Variants in SGCD observed in about 807,000 individuals in gnomAD.
The protein encoded by SGCD is sarcoglycan delta, also known as delta-sarcoglycan.
SGCD carries 18 observed loss-of-function variants against 36.6 expected under a neutral mutation model. The observed-to-expected ratio is 0.49, with a 90% CI of 0.34 to 0.73. SGCD has a LOEUF of 0.73. Ranked by LOEUF, SGCD falls within the 30% of genes least tolerant of loss-of-function variation. SGCD has a pLI of 0.01. For synonymous variants in SGCD, 133 were observed against 130.6 expected (o/e 1.02, Z -0.12); for missense variants, 387 against 346.7 (o/e 1.12, Z -0.92).
At chr5:156,746,385 T>C (rs1756938087) in intron 7 of SGCD, among the ~76,000 whole-genome samples, 1 of 152,214 alleles carries the variant, frequency 6.6e-6, no homozygotes, top group South Asian at 2.1e-4. Flanking sequence ...TATCAAGGAT[T>C]CTTTTGATAT....
chr5:156,237,454 C>T (rs891702602), intron 3 of SGCD, among the ~76,000 whole-genome samples: 2 of 151,868 alleles, frequency 1.3e-5, no homozygotes, highest in African/African-American at 2.4e-5. Context: ...GTGAAACCCC[C>T]TCTCTACTAA....
intron 3 of SGCD, among the ~76,000 whole-genome samples, chr5:156,272,619 T>C (rs1045298533): frequency 6.6e-6 from 1 of 152,252 alleles, no homozygotes; most frequent in African/African-American, 2.4e-5. Context: ...GCTCCAAAGC[T>C]GAAACATGCC....
At chr5:155,815,036 C>T in the SGCD span, among the ~76,000 whole-genome samples, 95 of 152,030 alleles carry the variant, frequency 6.2e-4, no homozygotes, top group Non-Finnish European at 1.1e-3. Flanking sequence ...AAGATTAACA[C>T]GATTATTTGC....
chr5:156,413,505 C>T (rs1273337502), intron 3 of SGCD, among the ~76,000 whole-genome samples: 4 of 152,158 alleles, frequency 2.6e-5, no homozygotes, highest in Admixed American at 1.3e-4. Context: ...GAGATAGGAT[C>T]GCACTCTGTC....
At chr5:156,365,776 T>G (rs563439608) in intron 3 of SGCD, among the ~76,000 whole-genome samples, 1 of 152,198 alleles carries the variant, frequency 6.6e-6, no homozygotes, top group Admixed American at 6.5e-5. Context: ...TATGTCTATA[T>G]TTCCATGTGT....
intron 6 of SGCD, among the ~76,000 whole-genome samples, chr5:156,598,970 T>G (rs1392936585): frequency 6.6e-6 from 1 of 152,224 alleles, no homozygotes; most frequent in Non-Finnish European, 1.5e-5. Flanking sequence ...TCTTCATCAT[T>G]AGGAACATTT....
chr5:156,593,023 AG>A (rs59737347), intron 5 of SGCD, among the ~76,000 whole-genome samples: 10,285 of 152,250 alleles, frequency 0.068, 379 homozygotes, highest in South Asian at 0.1. Context: ...CTACACTCAC[AG>A]CACTTTACCA....
intron 3 of SGCD, among the ~76,000 whole-genome samples, chr5:156,490,617 T>C (rs571064045): frequency 4.6e-5 from 7 of 152,016 alleles, no homozygotes; most frequent in Non-Finnish European, 1.0e-4. Flanking sequence ...TATAATCCTC[T>C]CAAGAAATGC....
rs1757459833 is a variant in SGCD at position 156,759,545 on chromosome 5, T to C, written c.*155T>C. ...GCGTGCTTGAGTGTGTTCGCGTGTG[T>C]GGGTGGATATAAATATATATAAATA... On this transcript the variant is annotated 3_prime_UTR_variant, in exon 9 of 9. Coordinates refer to ENST00000337851, the MANE Select transcript of SGCD (RefSeq NM_000337.6). 1.6e-5 allele frequency: 5 copies of C among 312,242 alleles called. No individual in the cohort carries two copies. In the South Asian group the frequency reaches 5.6e-4, roughly 35 times the overall value. The allele number at this position is 312,242 out of a possible 1,614,324, so 19.3% of individuals were successfully genotyped here. A position where few individuals can be genotyped will look rare whatever the true frequency, so the allele number is the denominator to read the frequency against.
At chr5:155,784,436 G>A in the SGCD span, among the ~76,000 whole-genome samples, 16 of 152,282 alleles carry the variant, frequency 1.1e-4, no homozygotes, top group Non-Finnish European at 1.6e-4. Context: ...GTGCCATGCC[G>A]TTTTGGATTT....
At chr5:156,469,225 AT>A (rs1754851590) in intron 3 of SGCD, among the ~76,000 whole-genome samples, 1 of 151,934 alleles carries the variant, frequency 6.6e-6, no homozygotes, top group South Asian at 2.1e-4. Flanking sequence ...TTTAGTCCAT[AT>A]TTGCATTTTT....
chr5:156,310,255 C>A (rs1329809221), intron 3 of SGCD, among the ~76,000 whole-genome samples: 1 of 152,152 alleles, frequency 6.6e-6, no homozygotes, highest in Non-Finnish European at 1.5e-5. Context: ...GGTGGCGAGG[C>A]ACTGGTCTTT....
Position 156,371,008 on chromosome 5 carries a change from C to T in SGCD, c.192+26331C>T, listed in dbSNP as rs80283220. Among the ~76,000 whole-genome samples the T allele has an allele frequency of 9.1e-3, 1,392 of 152,154 alleles. 23 individuals carry two copies. Among genetic ancestry groups the T allele is most frequent in the African/African-American group, 0.031 (1,307 of 41,522 alleles). On this transcript the variant is annotated intron_variant, in intron 3 of 8. Transcript: ENST00000337851. ...AAAAAAACAGTGATGTTTTTCTCCC[C>T]TTATGGCATATAGTTACCAGCCTAG...
At chr5:156,702,722 C>T (rs1754573627) in intron 7 of SGCD, among the ~76,000 whole-genome samples, 2 of 152,002 alleles carry the variant, frequency 1.3e-5, no homozygotes. Context: ...TTTTGTTACC[C>T]TTCTTACTAT....
intron 3 of SGCD, among the ~76,000 whole-genome samples, chr5:156,453,632 AAGT>A (rs1327318159): frequency 6.6e-6 from 1 of 152,174 alleles, no homozygotes; most frequent in African/African-American, 2.4e-5. Flanking sequence ...GGTACTCTCA[AAGT>A]AGTTAGAGAC....
chr5:155,937,982 C>CTT (rs1757243739), intron 1 of SGCD, among the ~76,000 whole-genome samples: 1 of 152,212 alleles, frequency 6.6e-6, no homozygotes, highest in Non-Finnish European at 1.5e-5. Context: ...TTGAACCCGG[C>CTT]TTTGAAAGCT....
the SGCD span, among the ~76,000 whole-genome samples, chr5:155,756,852 C>G: frequency 7.2e-4 from 110 of 152,326 alleles, no homozygotes; most frequent in South Asian, 1.2e-3. Flanking sequence ...GTTGTACACA[C>G]TGGTGTATGG....
intron 7 of SGCD, among the ~76,000 whole-genome samples, chr5:156,724,907 G>C (rs913389823): frequency 1.3e-5 from 2 of 152,138 alleles, no homozygotes; most frequent in African/African-American, 4.8e-5. Flanking sequence ...CTAAGAATGT[G>C]TTTGTTTTTT....
intron 1 of SGCD, among the ~76,000 whole-genome samples, chr5:155,894,313 C>T (rs1756200587): frequency 6.6e-6 from 1 of 152,148 alleles, no homozygotes; most frequent in Non-Finnish European, 1.5e-5. Context: ...AATTTTTCGG[C>T]TCCATTATAA....
Sources: gnomAD v4.1 joint callset for allele counts (sites outside exome capture counted in the v4.1 genomes callset) on GRCh38, gnomAD v4.1.1 for gene constraint, MANE v1.5 for transcripts, NCBI Gene and HGNC (gene_info 2026-07-23, HGNC 2026-07-21) for gene names.